RAB27A: variants seen among roughly 807,000 people sequenced by gnomAD.
The protein encoded by RAB27A is RAB27A, member RAS oncogene family.
RAB27A carries 17 observed loss-of-function variants against 20.8 expected under a neutral mutation model. The ratio of observed to expected loss-of-function variants is 0.82; its 90% CI spans 0.56 to 1.23. The LOEUF is 1.23. Among genes scored for constraint, RAB27A ranks in the 50% most tolerant of loss-of-function variants. The pLI, the probability that RAB27A is intolerant of heterozygous loss-of-function variation, is 0.00. For missense variants in RAB27A, 277 were observed against 266.7 expected (o/e 1.04, Z -0.27); for synonymous variants, 85 against 92.8 (o/e 0.92, Z 0.48).
upstream of RAB27A, among the ~76,000 whole-genome samples, chr15:55,291,252 T>A (rs530870793): frequency 2.8e-4 from 43 of 152,288 alleles, no homozygotes; most frequent in African/African-American, 9.9e-4. Flanking sequence ...GGCTCACGCC[T>A]GTAATCCCAG....
chr15:55,270,187 T>C lies in RAB27A; in HGVS notation c.-45A>G, dbSNP rs919674058. ...TACCTTTACAGGGTAGAGAACCGCT[T>C]GTTATGATTTTCTAAAACGTTAGAG... On this transcript the variant is annotated 5_prime_UTR_variant, in exon 2 of 7. Coordinates refer to ENST00000336787, the MANE Select transcript of RAB27A (RefSeq NM_183235.3). 4.6e-5 allele frequency: 7 copies of C among 152,106 alleles called. No individual in the cohort carries two copies. The highest frequency in any genetic ancestry group is 7.4e-5 in the Non-Finnish European group (5 of 67,984). The allele number at this position is 152,106 out of a possible 1,614,324, so 9.4% of individuals were successfully genotyped here.
intron 2 of RAB27A, among the ~76,000 whole-genome samples, chr15:55,252,211 C>T (rs1033389264): frequency 3.3e-5 from 5 of 152,040 alleles, no homozygotes; most frequent in East Asian, 1.9e-4. Flanking sequence ...TAGAAAAGAC[C>T]GGGGGAGGGT....
chr15:55,294,054 A>G (rs1284275042), upstream of RAB27A, among the ~76,000 whole-genome samples: 7 of 152,230 alleles, frequency 4.6e-5, no homozygotes, highest in Non-Finnish European at 7.3e-5. Flanking sequence ...GCTAAAATGC[A>G]TATGAAATTG....
chr15:55,276,350 T>C (rs1897873768), intron 1 of RAB27A, among the ~76,000 whole-genome samples: 1 of 152,200 alleles, frequency 6.6e-6, no homozygotes. Context: ...CTAAGTTAAA[T>C]AAGCCAGACA....
intron 2 of RAB27A, among the ~76,000 whole-genome samples, chr15:55,262,460 T>C (rs1897306532): frequency 6.7e-6 from 1 of 149,830 alleles, no homozygotes; most frequent in Admixed American, 6.7e-5. Flanking sequence ...GAGAATGGCG[T>C]GAACCCGGGA....
chr15:55,246,446 T>C (rs1046397828), intron 2 of RAB27A, among the ~76,000 whole-genome samples: 5 of 151,764 alleles, frequency 3.3e-5, no homozygotes, highest in Admixed American at 6.6e-5. Flanking sequence ...ATTGAAACCA[T>C]TGACTTCATT....
At chr15:55,216,627 G>GA (rs958195668) in intron 6 of RAB27A, among the ~76,000 whole-genome samples, 3 of 150,548 alleles carry the variant, frequency 2.0e-5, no homozygotes, top group Non-Finnish European at 1.5e-5. Context: ...TGTGTTGTGT[G>GA]AAAAAAAAAG....
intron 6 of RAB27A, among the ~76,000 whole-genome samples, chr15:55,212,464 T>C (rs980070381): frequency 6.6e-6 from 1 of 152,138 alleles, no homozygotes; most frequent in Non-Finnish European, 1.5e-5. Flanking sequence ...CTCCAGACTA[T>C]ATTTCTGGAC....
chr15:55,235,461 TAAATAA>T (rs554935281), intron 2 of RAB27A, among the ~76,000 whole-genome samples: 203 of 151,380 alleles, frequency 1.3e-3, no homozygotes, highest in African/African-American at 4.3e-3. Context: ...AATAAAAAAA[TAAATAA>T]AAATAAAAAT....
intron 6 of RAB27A, chr15:55,206,194 G>C: frequency 2.8e-6 from 1 of 359,788 alleles, no homozygotes; most frequent in Non-Finnish European, 3.9e-6. Flanking sequence ...CTGGGCAATA[G>C]AGTTAGACTG....
intron 1 of RAB27A, among the ~76,000 whole-genome samples, chr15:55,281,849 G>A (rs1040628475): frequency 6.6e-6 from 1 of 152,098 alleles, no homozygotes; most frequent in Non-Finnish European, 1.5e-5. Context: ...TACAATGAAA[G>A]CAACTAAGGG....
intron 1 of RAB27A, among the ~76,000 whole-genome samples, chr15:55,271,280 A>G (rs1045475419): frequency 5.3e-5 from 8 of 152,222 alleles, no homozygotes; most frequent in Admixed American, 5.2e-4. Context: ...TCCAGCCATC[A>G]GTACGTTTTA....
chr15:55,263,981 T>G (rs1262162784), intron 2 of RAB27A, among the ~76,000 whole-genome samples: 1 of 152,214 alleles, frequency 6.6e-6, no homozygotes, highest in African/African-American at 2.4e-5. Flanking sequence ...GAATACAACA[T>G]TTAGTCCACA....
chr15:55,316,820 T>A (rs2055046812), intron 1 of RAB27A, among the ~76,000 whole-genome samples: 1 of 152,186 alleles, frequency 6.6e-6, no homozygotes, highest in Non-Finnish European at 1.5e-5. Context: ...CTCAATTTGA[T>A]CTGAGCCATC....
chr15:55,294,994 A>G (rs556439543), intron 2 of RAB27A, among the ~76,000 whole-genome samples: 1 of 152,330 alleles, frequency 6.6e-6, no homozygotes, highest in South Asian at 2.1e-4. Context: ...CTCAACAACA[A>G]AAAGACATAA....
chr15:55,206,445 G>C (rs1220952100), intron 6 of RAB27A: 1 of 158,838 alleles, frequency 6.3e-6, no homozygotes, highest in Non-Finnish European at 1.3e-5. Context: ...CCCAGGCATC[G>C]ATCCTCCTAC....
intron 2 of RAB27A, among the ~76,000 whole-genome samples, chr15:55,253,823 TG>T (rs1566922346): frequency 6.6e-6 from 1 of 151,570 alleles, no homozygotes; most frequent in Non-Finnish European, 1.5e-5. Context: ...AAAGAGACTA[TG>T]AATCAGCAAG....
intron 2 of RAB27A, among the ~76,000 whole-genome samples, chr15:55,305,141 G>T (rs1030605585): frequency 1.3e-5 from 2 of 152,222 alleles, no homozygotes; most frequent in Non-Finnish European, 2.9e-5. Flanking sequence ...GGTGGATGCA[G>T]TCACCTTCCC....
intron 2 of RAB27A, among the ~76,000 whole-genome samples, chr15:55,261,454 G>T (rs1046382219): frequency 6.6e-6 from 1 of 151,206 alleles, no homozygotes; most frequent in Non-Finnish European, 1.5e-5. Context: ...TTTTGGCTGG[G>T]TACTGTGGCT....
Sources: allele counts gnomAD v4.1 joint callset (sites outside exome capture counted in the v4.1 genomes callset), GRCh38; gene constraint gnomAD v4.1.1; transcripts MANE v1.5; gene names NCBI Gene and HGNC (gene_info 2026-07-23, HGNC 2026-07-21).